FAM53B: variants seen among roughly 807,000 people sequenced by gnomAD.
The protein encoded by FAM53B is protein FAM53B.
Under a neutral mutation model 32.7 loss-of-function variants are expected in FAM53B, and 12 were observed. That is an observed-to-expected ratio of 0.37 (90% CI 0.24 to 0.59). The LOEUF (loss-of-function observed/expected upper bound fraction) is 0.59. FAM53B is among the 20% of genes least tolerant of loss of function. The pLI, the probability that FAM53B is intolerant of heterozygous loss-of-function variation, is 0.72. For missense variants in FAM53B, 477 were observed against 577.7 expected (o/e 0.83, Z 1.79); for synonymous variants, 234 against 228.7 (o/e 1.02, Z -0.21).
intron 4 of FAM53B, among the ~76,000 whole-genome samples, chr10:124,659,858 G>T (rs547563565): frequency 7.2e-5 from 11 of 152,264 alleles, no homozygotes; most frequent in Non-Finnish European, 1.6e-4. Context: ...CCAGGCTGGA[G>T]TGCCATGGCA....
chr10:124,726,192 G>A (rs1950102012), intron 1 of FAM53B, among the ~76,000 whole-genome samples: 1 of 152,154 alleles, frequency 6.6e-6, no homozygotes, highest in Non-Finnish European at 1.5e-5. Context: ...GTAACTGGGA[G>A]GACAATTTTG....
rs777361298 is a variant in FAM53B at position 124,681,862 on chromosome 10, G to T, written c.651C>A (p.Pro217=). 1.2e-6 allele frequency: 2 copies of T among 1,613,244 alleles called. No individual in the cohort carries two copies. The highest frequency in any genetic ancestry group is 8.5e-7 in the Non-Finnish European group (1 of 1,179,672). The change falls in exon 4 of 5, where the codon CCC becomes CCA. Residue 217 remains proline, a synonymous_variant. Coordinates refer to ENST00000337318, the MANE Select transcript of FAM53B (RefSeq NM_014661.4). ...AGDTWSPDLH[P]VGGGRLDLQR... is the part of the protein sequence containing the mutation. Reference sequence around the variant, plus strand: ...GCAGGTCCAGCCGGCCTCCTCCCACGGGGTGCAGGTCAGGGCTCCAGGTGT... The same window carrying T: ...GCAGGTCCAGCCGGCCTCCTCCCACTGGGTGCAGGTCAGGGCTCCAGGTGT...
Position 124,622,699 on chromosome 10 carries a change from T to G in FAM53B, c.*543A>C, listed in dbSNP as rs1047234604. 1 of 152,858 alleles carries G rather than the reference T, an allele frequency of 6.5e-6. No individual in the cohort carries two copies. Among genetic ancestry groups the G allele is most frequent in the African/African-American group, 2.4e-5 (1 of 41,436 alleles). 9.5% of individuals were successfully genotyped at this position (152,858 alleles called of 1,614,324 possible). ...GGTTCTGGTGTTACAGAAGGAAGCA[T>G]CTCCCGAACCTTCCCAAGCCTGAAG... is the stretch of plus-strand genomic sequence containing the variant. On this transcript the variant is annotated 3_prime_UTR_variant, in exon 5 of 5. Transcript: ENST00000337318.
chr10:124,712,804 A>C (rs1047952034), intron 1 of FAM53B, among the ~76,000 whole-genome samples: 1 of 152,136 alleles, frequency 6.6e-6, no homozygotes, highest in African/African-American at 2.4e-5. Flanking sequence ...GCCCCTACTC[A>C]ATGACTCATC....
At chr10:124,679,600 C>A (rs1949756412) in intron 4 of FAM53B, among the ~76,000 whole-genome samples, 1 of 152,254 alleles carries the variant, frequency 6.6e-6, no homozygotes, top group South Asian at 2.1e-4. Flanking sequence ...CGGGCCCAGC[C>A]TCAGGGCTCT....
chr10:124,633,246 GAAAA>G (rs10535148), intron 4 of FAM53B, among the ~76,000 whole-genome samples: 2 of 135,776 alleles, frequency 1.5e-5, no homozygotes, highest in South Asian at 4.6e-4. Flanking sequence ...AAAATTGATA[GAAAA>G]AAAAAAAAAA....
intron 4 of FAM53B, among the ~76,000 whole-genome samples, chr10:124,658,574 A>C (rs926358789): frequency 6.6e-6 from 1 of 152,200 alleles, no homozygotes; most frequent in Non-Finnish European, 1.5e-5. Flanking sequence ...ATGGTGCTGG[A>C]CCTTTGAGAA....
At chr10:124,659,289 A>G (rs1949614118) in intron 4 of FAM53B, among the ~76,000 whole-genome samples, 2 of 152,390 alleles carry the variant, frequency 1.3e-5, no homozygotes, top group Admixed American at 1.3e-4. Flanking sequence ...AGGAAGGACT[A>G]AGAGGAGCCA....
At chr10:124,633,062 C>T (rs968770880) in intron 4 of FAM53B, among the ~76,000 whole-genome samples, 2 of 152,132 alleles carry the variant, frequency 1.3e-5, no homozygotes, top group African/African-American at 4.8e-5. Flanking sequence ...CCACACTCCA[C>T]CCCACAACTG....
intron 4 of FAM53B, among the ~76,000 whole-genome samples, chr10:124,630,433 G>A (rs748798501): frequency 6.6e-6 from 1 of 152,132 alleles, no homozygotes; most frequent in Non-Finnish European, 1.5e-5. Context: ...GAAAAGCGGG[G>A]GACAGCATCA....
chr10:124,711,955 CA>C (rs898324922), intron 1 of FAM53B, among the ~76,000 whole-genome samples: 5 of 151,932 alleles, frequency 3.3e-5, no homozygotes, highest in African/African-American at 1.2e-4. Flanking sequence ...CGCAGGTACT[CA>C]GAAGTCTGAG....
chr10:124,703,531 C>T (rs1270094349), intron 2 of FAM53B: 2 of 152,410 alleles, frequency 1.3e-5, no homozygotes, highest in Non-Finnish European at 2.9e-5. Flanking sequence ...GCAGGCAGCG[C>T]TGAGCCAGGC....
intron 1 of FAM53B, chr10:124,742,938 T>C: frequency 6.6e-6 from 1 of 152,044 alleles, no homozygotes; most frequent in East Asian, 1.9e-4. Flanking sequence ...GCAAAGAGCT[T>C]TTCTTTGTTC....
chr10:124,726,571 G>A (rs1950105132), intron 1 of FAM53B, among the ~76,000 whole-genome samples: 1 of 152,240 alleles, frequency 6.6e-6, no homozygotes, highest in Non-Finnish European at 1.5e-5. Context: ...CTCAAATTCA[G>A]CAAACCATTT....
chr10:124,737,944 C>G (rs1950181657), intron 1 of FAM53B, among the ~76,000 whole-genome samples: 1 of 152,114 alleles, frequency 6.6e-6, no homozygotes, highest in Admixed American at 6.5e-5. Context: ...GAAACCACAG[C>G]CTGAGTAAAA....
intron 1 of FAM53B, among the ~76,000 whole-genome samples, chr10:124,743,757 T>C (rs927522164): frequency 2.0e-5 from 3 of 151,464 alleles, no homozygotes; most frequent in Admixed American, 6.6e-5. Context: ...CCCATGCCTG[T>C]GCTCTGACAA....
At chr10:124,637,659 A>G (rs951302394) in intron 4 of FAM53B, among the ~76,000 whole-genome samples, 1 of 152,214 alleles carries the variant, frequency 6.6e-6, no homozygotes, top group African/African-American at 2.4e-5. Flanking sequence ...CAGAATAAAA[A>G]GCAAACACCT....
chr10:124,655,941 G>A (rs1019728080), intron 4 of FAM53B, among the ~76,000 whole-genome samples: 3 of 152,192 alleles, frequency 2.0e-5, no homozygotes, highest in Admixed American at 2.0e-4. Context: ...AGTGCCAAGA[G>A]CAGTATGTGC....
intron 4 of FAM53B, among the ~76,000 whole-genome samples, chr10:124,624,935 G>A (rs778292734): frequency 2.0e-5 from 3 of 152,200 alleles, no homozygotes; most frequent in African/African-American, 2.4e-5. Flanking sequence ...GAAGAGCTGC[G>A]CACAGAGGGC....
Sources: allele counts gnomAD v4.1 joint callset (sites outside exome capture counted in the v4.1 genomes callset), GRCh38; gene constraint gnomAD v4.1.1; transcripts MANE v1.5; gene names NCBI Gene and HGNC (gene_info 2026-07-23, HGNC 2026-07-21).